NXPE4: variants seen among roughly 807,000 people sequenced by gnomAD.
NXPE4 encodes the protein NXPE family member 4.
NXPE4 carries 42 observed loss-of-function variants against 33.3 expected under a neutral mutation model. That is an observed-to-expected ratio of 1.26 (90% CI 0.98 to 1.63). The LOEUF (loss-of-function observed/expected upper bound fraction) is 1.63, where lower values mean the gene tolerates loss of function less well. Among genes scored for constraint, NXPE4 ranks in the 40% most tolerant of loss-of-function variants. The pLI is 0.00. For missense variants in NXPE4, 709 were observed against 647.6 expected (o/e 1.09, Z -1.03); for synonymous variants, 253 against 234.9 (o/e 1.08, Z -0.71).
the NXPE4 span, among the ~76,000 whole-genome samples, chr11:114,654,779 A>G: frequency 6.6e-6 from 1 of 152,188 alleles, no homozygotes; most frequent in Admixed American, 6.5e-5. Flanking sequence ...TGCAATAAAT[A>G]TATGTGTGCA....
the NXPE4 span, among the ~76,000 whole-genome samples, chr11:114,601,741 TTATAA>T: frequency 1.4e-5 from 1 of 71,192 alleles, no homozygotes; most frequent in Non-Finnish European, 2.4e-5. Context: ...TTATATATAA[TTATAA>T]TATATAATAT....
the NXPE4 span, among the ~76,000 whole-genome samples, chr11:114,615,596 C>T: frequency 6.9e-6 from 1 of 145,682 alleles, no homozygotes; most frequent in South Asian, 2.1e-4. Context: ...ATAATATTTG[C>T]TGCCTCATGG....
chr11:114,621,200 T>C, the NXPE4 span, among the ~76,000 whole-genome samples: 3 of 150,360 alleles, frequency 2.0e-5, no homozygotes, highest in African/African-American at 4.9e-5. Flanking sequence ...CACTGTTACC[T>C]GGTGGATAAT....
the NXPE4 span, among the ~76,000 whole-genome samples, chr11:114,637,348 C>T: frequency 2.6e-5 from 4 of 151,794 alleles, no homozygotes; most frequent in Non-Finnish European, 5.9e-5. Flanking sequence ...ATTTTGAGCC[C>T]ATGTGTGTCT....
chr11:114,601,951 TATA>T, the NXPE4 span, among the ~76,000 whole-genome samples: 96 of 82,412 alleles, frequency 1.2e-3, no homozygotes, highest in African/African-American at 4.4e-3. Flanking sequence ...TATAATTATA[TATA>T]ATATTATATA....
chr11:114,604,763 A>G, the NXPE4 span, among the ~76,000 whole-genome samples: 1 of 151,902 alleles, frequency 6.6e-6, no homozygotes, highest in African/African-American at 2.4e-5. Flanking sequence ...CTCATTGGTA[A>G]CCACTGTTAC....
intron 1 of NXPE4, among the ~76,000 whole-genome samples, chr11:114,595,371 C>T (rs1265128221): frequency 3.3e-5 from 5 of 152,152 alleles, no homozygotes; most frequent in Admixed American, 6.5e-5. Context: ...CTCTTTGCAC[C>T]GGAATTCCAA....
At chr11:114,632,429 T>C in the NXPE4 span, among the ~76,000 whole-genome samples, 1 of 131,472 alleles carries the variant, frequency 7.6e-6, no homozygotes, top group African/African-American at 2.8e-5. Context: ...AATATAAATA[T>C]AAATATATAA....
chr11:114,643,473 A>G, the NXPE4 span, among the ~76,000 whole-genome samples: 189 of 152,168 alleles, frequency 1.2e-3, 1 homozygote, highest in African/African-American at 4.3e-3. Flanking sequence ...TTTTCTGTAT[A>G]TGGCTAGGCA....
the NXPE4 span, among the ~76,000 whole-genome samples, chr11:114,610,668 C>A: frequency 4.8e-5 from 7 of 145,592 alleles, no homozygotes; most frequent in Admixed American, 4.8e-4. Flanking sequence ...GTGGATAATA[C>A]ATGTTGCCTC....
chr11:114,663,764 A>G, the NXPE4 span, among the ~76,000 whole-genome samples: 1 of 152,062 alleles, frequency 6.6e-6, no homozygotes, highest in African/African-American at 2.4e-5. Context: ...AAGCAACCCA[A>G]GTAAAAAATA....
the NXPE4 span, among the ~76,000 whole-genome samples, chr11:114,631,757 G>A: frequency 1.3e-5 from 2 of 151,840 alleles, no homozygotes; most frequent in South Asian, 4.1e-4. Flanking sequence ...CTGTCACCCG[G>A]TGGATAATAA....
chr11:114,652,023 C>T, the NXPE4 span, among the ~76,000 whole-genome samples: 1 of 152,188 alleles, frequency 6.6e-6, no homozygotes. Flanking sequence ...TCAATTGGAA[C>T]TCCAAAGCAT....
chr11:114,629,630 T>C, the NXPE4 span, among the ~76,000 whole-genome samples: 1 of 152,058 alleles, frequency 6.6e-6, no homozygotes, highest in Non-Finnish European at 1.5e-5. Flanking sequence ...ATGCCCTCTC[T>C]CACCACTCCT....
chr11:114,639,907 A>AAAATATAATATTATATTATATATTATATT, the NXPE4 span, among the ~76,000 whole-genome samples: 1 of 115,682 alleles, frequency 8.6e-6, no homozygotes, highest in Non-Finnish European at 1.6e-5. Flanking sequence ...TATTAAATAT[A>AAAATATAATATTATATTATATATTATATT]AAATATAATA....
At chr11:114,651,989 C>T in the NXPE4 span, among the ~76,000 whole-genome samples, 1 of 152,164 alleles carries the variant, frequency 6.6e-6, no homozygotes. Flanking sequence ...TTGCTGCATC[C>T]CAGGTTGAAG....
chr11:114,587,078 C>A (rs1351562990), intron 2 of NXPE4, among the ~76,000 whole-genome samples: 1 of 152,078 alleles, frequency 6.6e-6, no homozygotes, highest in Admixed American at 6.5e-5. Context: ...ATATTGTTGG[C>A]CCTTTGCGGA....
At chr11:114,626,653 C>T in the NXPE4 span, among the ~76,000 whole-genome samples, 1 of 152,200 alleles carries the variant, frequency 6.6e-6, no homozygotes, top group African/African-American at 2.4e-5. Flanking sequence ...TCACCAGCAA[C>T]AGAACAAAGC....
At chr11:114,607,817 C>T in the NXPE4 span, among the ~76,000 whole-genome samples, 1,329 of 151,678 alleles carry the variant, frequency 8.8e-3, 20 homozygotes, top group African/African-American at 0.031. Flanking sequence ...CTTCAGTAAC[C>T]ACTATTACCC....
Sources: gnomAD v4.1 joint callset for allele counts (sites outside exome capture counted in the v4.1 genomes callset) on GRCh38, gnomAD v4.1.1 for gene constraint, MANE v1.5 for transcripts, NCBI Gene and HGNC (gene_info 2026-07-23, HGNC 2026-07-21) for gene names.